FHIT: variants seen among roughly 807,000 people sequenced by gnomAD.
The protein encoded by FHIT is bis(5'-adenosyl)-triphosphatase.
FHIT carries 19 observed loss-of-function variants against 17.9 expected under a neutral mutation model. The observed-to-expected ratio is 1.06, with a 90% CI of 0.74 to 1.56. The LOEUF is 1.56. Among genes scored for constraint, FHIT ranks in the 40% most tolerant of loss-of-function variants. The pLI is 0.00. For synonymous variants in FHIT, 81 were observed against 69.7 expected, an observed-to-expected ratio of 1.16 and a Z score of -0.81; for missense variants, 248 against 189.2, an observed-to-expected ratio of 1.31 and a Z score of -1.82.
chr3:61,005,398 G>T (rs976244339), intron 3 of FHIT, among the ~76,000 whole-genome samples: 1 of 152,120 alleles, frequency 6.6e-6, no homozygotes, highest in South Asian at 2.1e-4. Flanking sequence ...GGAGGAGCAG[G>T]ATGATAATGA....
At chr3:61,240,515 C>T (rs2040349366) in intron 1 of FHIT, among the ~76,000 whole-genome samples, 1 of 152,184 alleles carries the variant, frequency 6.6e-6, no homozygotes, top group Admixed American at 6.5e-5. Context: ...GCTATAGAAA[C>T]AATTCCAAGT....
intron 8 of FHIT, among the ~76,000 whole-genome samples, chr3:59,829,386 G>A (rs1030387429): frequency 6.6e-6 from 1 of 152,150 alleles, no homozygotes; most frequent in African/African-American, 2.4e-5. Context: ...TCATATCTCT[G>A]CACCAGCAGT....
At chr3:60,589,602 G>A (rs147677810) in intron 4 of FHIT, among the ~76,000 whole-genome samples, 100 of 152,016 alleles carry the variant, frequency 6.6e-4, no homozygotes, top group African/African-American at 2.3e-3. Flanking sequence ...GTCCACGTCG[G>A]GGGATATATT....
At chr3:60,041,364 C>G (rs981493943) in intron 5 of FHIT, among the ~76,000 whole-genome samples, 1 of 152,120 alleles carries the variant, frequency 6.6e-6, no homozygotes, top group African/African-American at 2.4e-5. Flanking sequence ...ATGTTTTTTT[C>G]TTGAGCCAAT....
At chr3:61,081,339 A>C (rs1310827843) in intron 2 of FHIT, among the ~76,000 whole-genome samples, 1 of 152,136 alleles carries the variant, frequency 6.6e-6, no homozygotes, top group Admixed American at 6.6e-5. Flanking sequence ...GGAGGTTGTC[A>C]GCCCTCTCTG....
intron 8 of FHIT, among the ~76,000 whole-genome samples, chr3:59,780,947 G>A (rs1317290915): frequency 2.0e-5 from 3 of 152,164 alleles, no homozygotes; most frequent in South Asian, 4.2e-4. Flanking sequence ...TATCTATTTT[G>A]TTTTCTATGC....
At chr3:60,730,141 C>A in intron 4 of FHIT, 3 of 471,372 alleles carry the variant, frequency 6.4e-6, no homozygotes, top group South Asian at 1.7e-5. Flanking sequence ...AAAGAAGCAC[C>A]GAAGGACCAC....
chr3:60,937,949 T>A (rs577790264), intron 3 of FHIT, among the ~76,000 whole-genome samples: 1 of 152,242 alleles, frequency 6.6e-6, no homozygotes, highest in South Asian at 2.1e-4. Flanking sequence ...CCAATCCCTG[T>A]CGCTGGAACA....
intron 4 of FHIT, among the ~76,000 whole-genome samples, chr3:60,683,942 G>C (rs2040806806): frequency 1.3e-5 from 2 of 151,858 alleles, no homozygotes; most frequent in Admixed American, 1.3e-4. Flanking sequence ...TCTTTTCTTT[G>C]TTTGCTTGTT....
intron 8 of FHIT, among the ~76,000 whole-genome samples, chr3:59,894,684 A>G (rs1488773840): frequency 6.6e-6 from 1 of 152,202 alleles, no homozygotes; most frequent in Non-Finnish European, 1.5e-5. Flanking sequence ...TGAAAGATCA[A>G]AAAGTCTTTC....
At chr3:60,830,397 A>G (rs1278870745) in intron 3 of FHIT, among the ~76,000 whole-genome samples, 1 of 152,200 alleles carries the variant, frequency 6.6e-6, no homozygotes, top group Non-Finnish European at 1.5e-5. Context: ...ACCAAACAGA[A>G]GCACCACATA....
chr3:60,271,267 G>A (rs943238789), intron 5 of FHIT, among the ~76,000 whole-genome samples: 1 of 151,882 alleles, frequency 6.6e-6, no homozygotes, highest in Non-Finnish European at 1.5e-5. Flanking sequence ...GCCAGGCATG[G>A]TGGCTCACAT....
At chr3:60,159,021 T>C (rs1053011913) in intron 5 of FHIT, among the ~76,000 whole-genome samples, 3 of 152,188 alleles carry the variant, frequency 2.0e-5, no homozygotes, top group African/African-American at 4.8e-5. Flanking sequence ...TTTATACTAA[T>C]GTTTGCTAAC....
chr3:59,925,673 T>A (rs1705624600), intron 7 of FHIT, among the ~76,000 whole-genome samples: 1 of 152,168 alleles, frequency 6.6e-6, no homozygotes, highest in African/African-American at 2.4e-5. Flanking sequence ...CCACTTGAAA[T>A]TCGCCGTGAC....
intron 5 of FHIT, among the ~76,000 whole-genome samples, chr3:60,373,201 T>C (rs1270612864): frequency 2.0e-5 from 3 of 152,120 alleles, no homozygotes; most frequent in Admixed American, 1.3e-4. Flanking sequence ...CTGATTGTAA[T>C]TGTGATAAAT....
intron 3 of FHIT, among the ~76,000 whole-genome samples, chr3:60,977,236 T>C (rs898002979): frequency 1.3e-5 from 2 of 152,120 alleles, no homozygotes; most frequent in Admixed American, 6.5e-5. Context: ...CGGAAGCAAA[T>C]AGTTCTCAGA....
In FHIT at chr3:61,123,591, C is replaced by T. The variant is rs142118163; in HGVS notation, c.-164+77026G>A. Among the ~76,000 whole-genome samples, 82 of 151,992 alleles carry T rather than the reference C, an allele frequency of 5.4e-4. 2 individuals are homozygous for T. The East Asian group carries it at 0.016, about 29-fold the overall frequency. ...TTAACATAAAAATTATTAAGATGAC[C>T]AAAATACATTAGAAGAAGCAGAAAT... On this transcript the variant is annotated intron_variant, in intron 2 of 9. Coordinates refer to ENST00000492590, the MANE Select transcript of FHIT (RefSeq NM_002012.4).
intron 3 of FHIT, among the ~76,000 whole-genome samples, chr3:60,859,601 G>A (rs1364750763): frequency 6.6e-6 from 1 of 151,738 alleles, no homozygotes; most frequent in Non-Finnish European, 1.5e-5. Context: ...TCCCTTCTCA[G>A]GCACCCTGAA....
intron 4 of FHIT, among the ~76,000 whole-genome samples, chr3:60,613,514 C>G (rs1209656694): frequency 6.6e-6 from 1 of 151,902 alleles, no homozygotes; most frequent in Non-Finnish European, 1.5e-5. Context: ...TGAAGAGTAC[C>G]TTTTGCATGG....
Sources: allele counts gnomAD v4.1 joint callset (sites outside exome capture counted in the v4.1 genomes callset), GRCh38; gene constraint gnomAD v4.1.1; transcripts MANE v1.5; gene names NCBI Gene and HGNC (gene_info 2026-07-23, HGNC 2026-07-21).